TCEA1: variants seen among roughly 807,000 people sequenced by gnomAD.
TCEA1 encodes the protein transcription elongation factor A1.
TCEA1 carries 21 observed loss-of-function variants against 43.8 expected under a neutral mutation model. That is an observed-to-expected ratio of 0.48 (90% CI 0.34 to 0.69). TCEA1 has a LOEUF of 0.69. Among genes scored for constraint, TCEA1 ranks in the 30% least tolerant of loss-of-function variants. The pLI is 0.01. For synonymous variants in TCEA1, 104 were observed against 117.5 expected (o/e 0.88, Z 0.75); for missense variants, 250 against 365.1 (o/e 0.68, Z 2.57).
chr8:53,993,554 T>C (rs567229572), intron 4 of TCEA1, 114 bp downstream of exon 4: 25 of 783,906 alleles, frequency 3.2e-5, no homozygotes, highest in Non-Finnish European at 4.7e-5. Flanking sequence ...ACTACTTCCA[T>C]TTGATTAGAA....
chr8:53,990,986 C>T (rs747409302), intron 4 of TCEA1, among the ~76,000 whole-genome samples: 3 of 152,048 alleles, frequency 2.0e-5, no homozygotes, highest in Non-Finnish European at 2.9e-5. Context: ...TGTGTTGGGG[C>T]GGGGATGGGG....
At chr8:54,005,536 ATAC>A (rs79506402) in intron 2 of TCEA1, among the ~76,000 whole-genome samples, 5,675 of 152,130 alleles carry the variant, frequency 0.037, 145 homozygotes, top group Non-Finnish European at 0.059. Flanking sequence ...GCTCACCTTC[ATAC>A]TACCTTTCTT....
At chr8:53,973,561 A>G in intron 8 of TCEA1, 1 of 537,342 alleles carries the variant, frequency 1.9e-6, no homozygotes. Context: ...TAGAAAGATG[A>G]AAGGCTGAAA....
intron 2 of TCEA1, among the ~76,000 whole-genome samples, chr8:54,008,072 C>G (rs908735240): frequency 1.3e-5 from 2 of 148,318 alleles, no homozygotes; most frequent in Non-Finnish European, 3.0e-5. Context: ...ATCCCAGCTA[C>G]TGGGGAGGCT....
chr8:53,985,715 C>G (rs1282983527), intron 6 of TCEA1, among the ~76,000 whole-genome samples: 2 of 152,194 alleles, frequency 1.3e-5, no homozygotes, highest in Non-Finnish European at 2.9e-5. Context: ...CCTGCCCCTA[C>G]TCACACACAG....
At chr8:53,998,994 C>A (rs571241866) in intron 3 of TCEA1, among the ~76,000 whole-genome samples, 1 of 151,940 alleles carries the variant, frequency 6.6e-6, no homozygotes, top group Non-Finnish European at 1.5e-5. Context: ...TTTGGGAGGC[C>A]AAGGCGGGCA....
chr8:53,979,676 T>A (rs573535650), intron 7 of TCEA1, among the ~76,000 whole-genome samples: 1 of 152,368 alleles, frequency 6.6e-6, no homozygotes, highest in African/African-American at 2.4e-5. Flanking sequence ...GCCTGAACTC[T>A]GCTAAAATGT....
At chr8:54,011,014 G>A (rs962367565) in intron 1 of TCEA1, among the ~76,000 whole-genome samples, 1 of 151,986 alleles carries the variant, frequency 6.6e-6, no homozygotes, top group Non-Finnish European at 1.5e-5. Context: ...TGGGGGCCAA[G>A]CTGGTCTCAA....
intron 1 of TCEA1, among the ~76,000 whole-genome samples, chr8:54,017,931 G>A (rs1804888531): frequency 6.6e-6 from 1 of 152,102 alleles, no homozygotes; most frequent in South Asian, 2.1e-4. Context: ...TACTACAAAA[G>A]TTATACTACT....
Position 54,022,276 on chromosome 8 carries a change from C to CGCGGCG in TCEA1, c.-157_-152dup, listed in dbSNP as rs58021302. ...GGCCCCCTTCCTTACGAACGAAGCC[C>CGCGGCG]GCGGCGGCGGCGGCGGCGGCGGCGG... On this transcript the variant is annotated 5_prime_UTR_variant, in exon 1 of 10. Transcript: ENST00000521604. The CGCGGCG allele has an allele frequency of 1.2e-3, 1,087 of 883,830 alleles. 9 individuals are homozygous for CGCGGCG. The highest frequency in any genetic ancestry group is 0.01 in the South Asian group (612 of 60,438). 54.7% of individuals were successfully genotyped at this position (883,830 alleles called of 1,614,324 possible). A position where few individuals can be genotyped will look rare whatever the true frequency, so the allele number is the denominator to read the frequency against.
chr8:53,988,177 T>C lies in TCEA1; in HGVS notation c.403A>G (p.Ser135Gly). 2.5e-6 allele frequency: 4 copies of C among 1,613,088 alleles called. No individual in the cohort carries two copies. The highest frequency in any genetic ancestry group is 3.4e-6 in the Non-Finnish European group (4 of 1,179,540). ...TYVSSFPRAPSTSDSVRLKCR... is the reference protein window; with the variant it reads ...TYVSSFPRAPGTSDSVRLKCR... Reference sequence around the variant, plus strand: ...TTCAACCGCACAGAATCAGAAGTGCTTGGTGCCCGAGGAAAGGATGAAACA... The same window carrying C: ...TTCAACCGCACAGAATCAGAAGTGCCTGGTGCCCGAGGAAAGGATGAAACA... Residue 135 changes from serine to glycine, a missense_variant, in exon 5 of 10, where the codon AGC (serine) becomes GGC (glycine). Physicochemically the swap from Ser to Gly is moderately conservative, Grantham distance 56. Transcript: ENST00000521604.
chr8:54,006,639 C>G (rs13280822), intron 2 of TCEA1, among the ~76,000 whole-genome samples: 2 of 152,262 alleles, frequency 1.3e-5, no homozygotes, highest in East Asian at 3.9e-4. Flanking sequence ...AATGGGATTA[C>G]TATGTTGTTT....
intron 1 of TCEA1, chr8:54,021,421 G>T (rs1805025645): frequency 6.6e-6 from 1 of 152,186 alleles, no homozygotes; most frequent in Non-Finnish European, 1.5e-5. Flanking sequence ...CAGCATTCCG[G>T]TGAGTGTGCG....
At chr8:53,973,038 TA>T (rs1471464932) in intron 8 of TCEA1, 12 of 675,142 alleles carry the variant, frequency 1.8e-5, no homozygotes, top group African/African-American at 1.2e-4. Flanking sequence ...ACAGGAAGCT[TA>T]AAAGGAAGAG....
intron 4 of TCEA1, among the ~76,000 whole-genome samples, chr8:53,991,913 AT>A (rs559751635): frequency 1.1e-3 from 174 of 151,962 alleles, no homozygotes; most frequent in Admixed American, 2.3e-3. Context: ...ATACAAAAAA[AT>A]AACAGTGTAT....
At chr8:53,995,363 G>T (rs906807711) in intron 3 of TCEA1, among the ~76,000 whole-genome samples, 1 of 151,506 alleles carries the variant, frequency 6.6e-6, no homozygotes, top group African/African-American at 2.4e-5. Context: ...GGAAGCCCAG[G>T]CAGGAGGAAC....
At chr8:53,968,657 C>T (rs1410738373) in intron 9 of TCEA1, among the ~76,000 whole-genome samples, 11 of 151,864 alleles carry the variant, frequency 7.2e-5, no homozygotes, top group South Asian at 2.1e-4. Context: ...TCCTGGCCAA[C>T]GTGGTGAAAC....
intron 2 of TCEA1, among the ~76,000 whole-genome samples, chr8:54,008,149 G>A (rs1467067692): frequency 6.9e-6 from 1 of 145,434 alleles, no homozygotes; most frequent in African/African-American, 2.6e-5. Flanking sequence ...CTCCATCCTG[G>A]GCCACAGAGT....
At position 54,022,183 on chromosome 8, in the gene TCEA1, G is replaced by A; in HGVS notation, c.-58C>T. 1.3e-6 allele frequency: 2 copies of A among 1,566,812 alleles called. No homozygotes were observed. The highest frequency in any genetic ancestry group is 1.7e-5 in the Admixed American group (1 of 59,084). ...CTGGCAAGGGGAAGTGGGCGAAGCT[G>A]GAGCGGAAGACACAGCAGGAGCGAC... is the stretch of plus-strand genomic sequence containing the variant. On this transcript the variant is annotated 5_prime_UTR_variant, in exon 1 of 10. Transcript: ENST00000521604.
Sources: allele counts gnomAD v4.1 joint callset (sites outside exome capture counted in the v4.1 genomes callset), GRCh38; gene constraint gnomAD v4.1.1; transcripts MANE v1.5; gene names NCBI Gene and HGNC (gene_info 2026-07-23, HGNC 2026-07-21).